Variants in XPO6 observed in about 807,000 individuals in gnomAD.
XPO6 encodes the protein exportin 6, also known as exportin-6.
XPO6 carries 3 observed loss-of-function variants against 130.0 expected under a neutral mutation model. That is an observed-to-expected ratio of 0.02 (90% CI 0.01 to 0.06). The LOEUF is 0.06. XPO6 is among the 10% of genes least tolerant of loss of function. XPO6 has a pLI of 1.00. For synonymous variants in XPO6, 524 were observed against 548.9 expected (o/e 0.95, Z 0.63); for missense variants, 970 against 1,393.0 (o/e 0.70, Z 4.83).
intron 12 of XPO6, among the ~76,000 whole-genome samples, chr16:28,126,467 G>A (rs2087414811): frequency 6.6e-6 from 1 of 152,180 alleles, no homozygotes; most frequent in Non-Finnish European, 1.5e-5. Context: ...TGGGCTCAGT[G>A]CCTCATACAA....
At chr16:28,203,248 C>T (rs1300169566) in intron 1 of XPO6, among the ~76,000 whole-genome samples, 3 of 151,174 alleles carry the variant, frequency 2.0e-5, no homozygotes, top group South Asian at 2.1e-4. Flanking sequence ...TGCACACCAG[C>T]CTGGGCGACG....
At chr16:28,168,903 T>C (rs1261824709) in intron 5 of XPO6, among the ~76,000 whole-genome samples, 2 of 152,004 alleles carry the variant, frequency 1.3e-5, no homozygotes, top group Non-Finnish European at 2.9e-5. Flanking sequence ...GTGTGAGCCA[T>C]TGCACTAACC....
At position 28,146,171 on chromosome 16, in the gene XPO6, A is replaced by G. The variant is rs144463341; in HGVS notation, c.1257T>C (p.Asp419=). The G allele has an allele frequency of 1.2e-6, 2 of 1,614,126 alleles. No homozygotes were observed. Among genetic ancestry groups the G allele is most frequent in the African/African-American group, 2.7e-5 (2 of 75,082 alleles). The change falls in exon 9 of 24, where the codon GAT becomes GAC. Residue 419 remains aspartate, a synonymous_variant. Coordinates refer to ENST00000304658, the MANE Select transcript of XPO6 (RefSeq NM_015171.4). ...PTHEGYFSCL[D]IWTLFLDYLT... is the part of the protein sequence containing the mutation. Reference sequence around the variant, plus strand: ...GATAGTCCAAAAACAGCGTCCAGATATCCAAACAAGAGAAGTAACCTTCAT... The same window carrying G: ...GATAGTCCAAAAACAGCGTCCAGATGTCCAAACAAGAGAAGTAACCTTCAT...
chr16:28,169,433 G>C (rs2043414568), intron 5 of XPO6, among the ~76,000 whole-genome samples: 1 of 152,130 alleles, frequency 6.6e-6, no homozygotes, highest in Non-Finnish European at 1.5e-5. Context: ...TTTAAATAGA[G>C]TGCTTGCCAC....
chr16:28,200,523 C>G (rs558845373), intron 1 of XPO6, among the ~76,000 whole-genome samples: 155 of 151,488 alleles, frequency 1.0e-3, no homozygotes, highest in Admixed American at 1.3e-3. Flanking sequence ...CGTCTGTCAC[C>G]CAGGCTGGGG....
chr16:28,200,489 CT>C (rs959784878), intron 1 of XPO6, among the ~76,000 whole-genome samples: 63 of 146,718 alleles, frequency 4.3e-4, no homozygotes, highest in Admixed American at 3.4e-4. Context: ...TTCTTTCTTT[CT>C]TTTTTTTTTT....
chr16:28,193,959 G>A (rs1225192439), intron 1 of XPO6, among the ~76,000 whole-genome samples: 1 of 152,120 alleles, frequency 6.6e-6, no homozygotes, highest in Non-Finnish European at 1.5e-5. Context: ...TCCTGGGAAG[G>A]CCTTAGCATG....
intron 6 of XPO6, among the ~76,000 whole-genome samples, chr16:28,163,000 C>T (rs903358703): frequency 3.9e-5 from 6 of 152,082 alleles, no homozygotes; most frequent in Non-Finnish European, 7.4e-5. Flanking sequence ...TGCTGTGTAC[C>T]GCGGGGTGTT....
Position 28,106,050 on chromosome 16 carries a change from A to G in XPO6, c.2777T>C (p.Ile926Thr). Reference sequence around the variant, plus strand: ...GACCGTCTGAGCCCCTACCTCGGCAATGATGGGATACACTTGCTCCATGCA... The same window carrying G: ...GACCGTCTGAGCCCCTACCTCGGCAGTGATGGGATACACTTGCTCCATGCA... The part of the protein sequence containing the change: ...ALCMEQVYPI[I>T]AERPSPDVKA... Residue 926 changes from isoleucine to threonine, a missense_variant, in exon 20 of 24, where the codon ATT becomes ACT. This residue lies in a region of XPO6 where 936 missense variants were observed against 1,306.8 expected (regional missense o/e 0.72). Transcript: ENST00000304658. The surrounding 1 kb of genome is among the most constrained non-coding windows in gnomAD (Gnocchi z 4.2). 1 of 1,613,634 alleles carries G rather than the reference A, an allele frequency of 6.2e-7. No homozygotes were observed. The highest frequency in any genetic ancestry group is 8.5e-7 in the Non-Finnish European group (1 of 1,179,578).
chr16:28,166,704 T>C, intron 5 of XPO6, 119 bp from the exon 6 acceptor site: 2 of 1,498,598 alleles, frequency 1.3e-6, no homozygotes, highest in South Asian at 2.6e-5. Flanking sequence ...ATCCCTTTCT[T>C]GACCATGTCC....
chr16:28,158,621 A>G (rs1259035739), intron 6 of XPO6, among the ~76,000 whole-genome samples: 1 of 152,222 alleles, frequency 6.6e-6, no homozygotes, highest in Non-Finnish European at 1.5e-5. Context: ...TGAGGACCTC[A>G]GTAATTTTTT....
chr16:28,185,970 C>T (rs2043685429), intron 1 of XPO6, among the ~76,000 whole-genome samples: 1 of 152,176 alleles, frequency 6.6e-6, no homozygotes, highest in South Asian at 2.1e-4. Context: ...CCTGCCCTGA[C>T]TTTATCTGCT....
chr16:28,187,601 T>C lies in XPO6; in HGVS notation c.4-6570A>G, dbSNP rs928729661. Among the ~76,000 whole-genome samples, 4 of 150,980 alleles carry C rather than the reference T, an allele frequency of 2.6e-5. No homozygotes were observed. The Admixed American group carries it at 2.7e-4, about 10-fold the overall frequency. ...AGTAAACACAATGTCAGGCATGAAG[T>C]GTGGGCTGAAAGTCACTGTTCATAC... On this transcript the variant is annotated intron_variant, in intron 1 of 23. Transcript: ENST00000304658.
intron 6 of XPO6, among the ~76,000 whole-genome samples, chr16:28,165,095 T>G (rs1368859287): frequency 6.6e-6 from 1 of 152,152 alleles, no homozygotes; most frequent in Non-Finnish European, 1.5e-5. Context: ...TGCACATCTA[T>G]GGTCCCAGCT....
chr16:28,203,741 G>A (rs1397118196), intron 1 of XPO6, among the ~76,000 whole-genome samples: 1 of 152,106 alleles, frequency 6.6e-6, no homozygotes, highest in African/African-American at 2.4e-5. Context: ...TCTTAACTCT[G>A]GAATCAGTTT....
intron 1 of XPO6, among the ~76,000 whole-genome samples, chr16:28,208,568 C>G (rs2044071291): frequency 6.6e-6 from 1 of 152,206 alleles, no homozygotes; most frequent in South Asian, 2.1e-4. Flanking sequence ...ACTTAAATAA[C>G]TGAGGTCTAG....
rs1467741078 is a variant in XPO6, at chr16:28,107,674, T to C, written c.2345A>G (p.Lys782Arg). The C allele has an allele frequency of 5.0e-6, 8 of 1,613,266 alleles. No homozygotes were observed. Among genetic ancestry groups the C allele is most frequent in the Middle Eastern group, 1.6e-4 (1 of 6,084 alleles). ...PQRKMPLDDT[K>R]LIIHQTLSVL... The stretch of plus-strand genomic sequence containing the variant: ...GCTGAGTGTCTGGTGGATAATCAGT[T>C]TGGCTGCAAATCAAGATGAGTTGCA... Residue 782 changes from lysine (K) to arginine (R), a missense_variant, in exon 18 of 24, where the codon AAA (lysine) becomes AGA (arginine). Around this residue, in one of 4 missense-constraint regions of XPO6, gnomAD observed 936 missense variants for 1,306.8 expected, o/e 0.72. Coordinates refer to ENST00000304658, the MANE Select transcript of XPO6 (RefSeq NM_015171.4).
At chr16:28,117,555 C>G in intron 14 of XPO6, 93 bp from the exon 15 acceptor site, 1 of 1,438,264 alleles carries the variant, frequency 7.0e-7, no homozygotes. Flanking sequence ...ATTGCATCCA[C>G]TGCATTTGCT....
intron 7 of XPO6, chr16:28,154,255 TAAAAAAAAAA>T (rs11284457): frequency 3.2e-5 from 26 of 811,902 alleles, no homozygotes; most frequent in African/African-American, 9.5e-5. Flanking sequence ...ACTACCCATT[TAAAAAAAAAA>T]AAAAAAAAAA....
Sources: gnomAD v4.1 joint callset for allele counts (sites outside exome capture counted in the v4.1 genomes callset) on GRCh38, gnomAD v4.1.1 for gene constraint, gnomAD v4.1.1 regional missense constraint, Gnocchi (gnomAD v3.1) non-coding constraint, MANE v1.5 for transcripts, NCBI Gene and HGNC (gene_info 2026-07-23, HGNC 2026-07-21) for gene names.